The following DPP10 variants were observed in gnomAD, a reference collection of about 807,000 sequenced individuals.
DPP10 encodes the protein inactive dipeptidyl peptidase 10.
Under a neutral mutation model 120.9 loss-of-function variants are expected in DPP10, and 33 were observed. That is an observed-to-expected ratio of 0.27 (90% confidence interval 0.21 to 0.37). The LOEUF (loss-of-function observed/expected upper bound fraction) is 0.37, where lower values mean the gene tolerates loss of function less well. DPP10 is among the 10% of genes least tolerant of loss of function. The pLI, the probability that DPP10 is intolerant of heterozygous loss-of-function variation, is 1.00. For synonymous variants in DPP10, 337 were observed against 326.1 expected, an observed-to-expected ratio of 1.03 and a Z score of -0.36; for missense variants, 816 against 942.8, an observed-to-expected ratio of 0.87 and a Z score of 1.76.
At chr2:114,863,947 T>C (rs997841435) in intron 1 of DPP10, among the ~76,000 whole-genome samples, 2 of 152,164 alleles carry the variant, frequency 1.3e-5, no homozygotes, top group African/African-American at 2.4e-5. Flanking sequence ...TGCTAACATG[T>C]CTTCTGGAGA....
At chr2:115,819,191 G>A (rs1001764834) in intron 21 of DPP10, among the ~76,000 whole-genome samples, 4 of 152,048 alleles carry the variant, frequency 2.6e-5, no homozygotes, top group African/African-American at 9.7e-5. Flanking sequence ...CTTTCTGTGT[G>A]GGATTAAACA....
intron 1 of DPP10, among the ~76,000 whole-genome samples, chr2:115,195,382 G>A (rs1573969045): frequency 6.6e-6 from 1 of 152,144 alleles, no homozygotes; most frequent in African/African-American, 2.4e-5. Context: ...TGCAACTGTG[G>A]AAGGTAAACA....
At chr2:114,664,626 C>CAAAAAAAA (rs374561367) in intron 1 of DPP10, among the ~76,000 whole-genome samples, 7 of 81,346 alleles carry the variant, frequency 8.6e-5, no homozygotes, top group African/African-American at 1.0e-4. Context: ...GACTCCGTCT[C>CAAAAAAAA]AAAAAAAAAA....
chr2:114,465,312 C>T (rs528429095), intron 1 of DPP10, among the ~76,000 whole-genome samples: 4 of 152,320 alleles, frequency 2.6e-5, no homozygotes, highest in Non-Finnish European at 4.4e-5. Flanking sequence ...TGCTTACTTG[C>T]TTTTCCCCCT....
At chr2:115,765,284 T>A (rs759126846) in intron 12 of DPP10, among the ~76,000 whole-genome samples, 1 of 152,148 alleles carries the variant, frequency 6.6e-6, no homozygotes, top group South Asian at 2.1e-4. Flanking sequence ...AAGCTATTCA[T>A]CTTTTGATAG....
intron 5 of DPP10, among the ~76,000 whole-genome samples, chr2:115,566,352 G>T (rs2081010113): frequency 6.6e-6 from 1 of 151,796 alleles, no homozygotes; most frequent in African/African-American, 2.4e-5. Flanking sequence ...CTATATGGTG[G>T]TTTTTCTCTT....
At chr2:115,419,654 A>G (rs1253456013) in intron 3 of DPP10, among the ~76,000 whole-genome samples, 1 of 152,176 alleles carries the variant, frequency 6.6e-6, no homozygotes, top group Non-Finnish European at 1.5e-5. Context: ...AATTTAGCAC[A>G]GTGCCCAATT....
intron 1 of DPP10, among the ~76,000 whole-genome samples, chr2:114,524,908 G>A (rs545936845): frequency 6.6e-6 from 1 of 152,042 alleles, no homozygotes; most frequent in Non-Finnish European, 1.5e-5. Flanking sequence ...TCTTCCTCTG[G>A]AGATTTTGTA....
At chr2:115,417,825 C>T (rs982503320) in intron 3 of DPP10, among the ~76,000 whole-genome samples, 14 of 152,174 alleles carry the variant, frequency 9.2e-5, no homozygotes, top group African/African-American at 1.4e-4. Context: ...TCCAAGTGTG[C>T]GGTCATGCCA....
At chr2:115,173,372 T>A (rs2053489139) in intron 1 of DPP10, among the ~76,000 whole-genome samples, 1 of 152,178 alleles carries the variant, frequency 6.6e-6, no homozygotes, top group Non-Finnish European at 1.5e-5. Flanking sequence ...GCCATCATGA[T>A]ATAAAATTGC....
At chr2:114,903,791 A>G (rs1693773051) in intron 1 of DPP10, among the ~76,000 whole-genome samples, 1 of 152,202 alleles carries the variant, frequency 6.6e-6, no homozygotes, top group South Asian at 2.1e-4. Context: ...TTATAAGGGG[A>G]GAAAGAGTGT....
intron 1 of DPP10, among the ~76,000 whole-genome samples, chr2:115,069,658 C>A (rs1707210256): frequency 6.6e-6 from 1 of 151,990 alleles, no homozygotes; most frequent in South Asian, 2.1e-4. Flanking sequence ...AGCTTTTACT[C>A]AGTTTAGCAT....
chr2:115,373,035 G>A (rs938071641), intron 3 of DPP10, among the ~76,000 whole-genome samples: 3 of 152,266 alleles, frequency 2.0e-5, no homozygotes, highest in South Asian at 4.1e-4. Context: ...GTAGAGCTAC[G>A]GTAAGAATAG....
chr2:114,628,166 A>G (rs1010258068), intron 1 of DPP10, among the ~76,000 whole-genome samples: 1 of 152,142 alleles, frequency 6.6e-6, no homozygotes, highest in African/African-American at 2.4e-5. Flanking sequence ...ATTTTCTTAT[A>G]CTGGGCCTTG....
chr2:115,384,169 A>G (rs2066669505), intron 3 of DPP10, among the ~76,000 whole-genome samples: 1 of 152,176 alleles, frequency 6.6e-6, no homozygotes. Context: ...TCCCTCAAAG[A>G]AAGTCATAGA....
intron 1 of DPP10, among the ~76,000 whole-genome samples, chr2:114,531,565 C>CAT (rs5833549): frequency 0.99 from 145,319 of 147,442 alleles, 71,642 homozygotes; most frequent in Middle Eastern, 1. Flanking sequence ...TATATGTATT[C>CAT]ATATATATAT....
At chr2:115,566,334 A>AT (rs1266792969) in intron 5 of DPP10, among the ~76,000 whole-genome samples, 1 of 151,592 alleles carries the variant, frequency 6.6e-6, no homozygotes, top group Non-Finnish European at 1.5e-5. Context: ...AAAATTTATG[A>AT]TTTTTTTCTA....
At chr2:115,494,033 C>G (rs991643334) in intron 3 of DPP10, among the ~76,000 whole-genome samples, 2 of 152,066 alleles carry the variant, frequency 1.3e-5, no homozygotes, top group African/African-American at 2.4e-5. Context: ...AATGCAACCT[C>G]CGCCTCCCAG....
At chr2:115,469,823 G>A (rs138607776) in intron 3 of DPP10, among the ~76,000 whole-genome samples, 2,260 of 149,482 alleles carry the variant, frequency 0.015, 47 homozygotes, top group African/African-American at 0.052. Flanking sequence ...ACTTGAATCC[G>A]GGAGGTGGAG....
Sources: gnomAD v4.1 joint callset for allele counts (sites outside exome capture counted in the v4.1 genomes callset) on GRCh38, gnomAD v4.1.1 for gene constraint, MANE v1.5 for transcripts, NCBI Gene and HGNC (gene_info 2026-07-23, HGNC 2026-07-21) for gene names.